SPIN1: variants seen among roughly 807,000 people sequenced by gnomAD.
SPIN1 encodes the protein spindlin-1.
Under a neutral mutation model 26.0 loss-of-function variants are expected in SPIN1, and 3 were observed. That is an observed-to-expected ratio of 0.12 (90% CI 0.05 to 0.30). The LOEUF is 0.30. Among genes scored for constraint, SPIN1 ranks in the 10% least tolerant of loss-of-function variants. SPIN1 has a pLI of 1.00. For missense variants in SPIN1, 126 were observed against 333.4 expected (o/e 0.38, Z 4.84); for synonymous variants, 101 against 116.5 (o/e 0.87, Z 0.86).
At chr9:88,447,551 T>G (rs1210992845) in intron 2 of SPIN1, among the ~76,000 whole-genome samples, 3 of 152,212 alleles carry the variant, frequency 2.0e-5, no homozygotes, top group African/African-American at 7.2e-5. Context: ...TCTTTTGCCA[T>G]TTTTATTGAT....
rs1164819425 is a variant in SPIN1 at position 88,421,952 on chromosome 9, C to T, written c.-158-4430C>T. Among the ~76,000 whole-genome samples, 5 of 152,076 alleles carry T rather than the reference C, an allele frequency of 3.3e-5. No homozygotes were observed. The East Asian group carries it at 7.7e-4, about 24-fold the overall frequency. On this transcript the variant is annotated intron_variant, in intron 1 of 5. Coordinates refer to ENST00000375859, the MANE Select transcript of SPIN1 (RefSeq NM_006717.3). ...AGTATTTTATAAGTGATATAGTCTG[C>T]TTTGCGTCATATCACATTAAGAAGT...
chr9:88,440,296 T>C (rs1445678654), intron 2 of SPIN1, among the ~76,000 whole-genome samples: 2 of 150,174 alleles, frequency 1.3e-5, no homozygotes, highest in Non-Finnish European at 3.0e-5. Context: ...CCTTAGCATA[T>C]CAAGGATATT....
intron 2 of SPIN1, among the ~76,000 whole-genome samples, chr9:88,441,028 C>T (rs538433183): frequency 2.3e-4 from 35 of 151,814 alleles, no homozygotes; most frequent in African/African-American, 8.3e-4. Flanking sequence ...ATTTAGTTGG[C>T]CCTCTGTATC....
At chr9:88,462,885 C>G in intron 4 of SPIN1, 136 bp downstream of exon 4, 1 of 1,028,894 alleles carries the variant, frequency 9.7e-7, no homozygotes, top group Admixed American at 3.0e-5. Flanking sequence ...TATATTAAAT[C>G]ACCGAAAACC....
chr9:88,446,112 CTT>C (rs1416720785), intron 2 of SPIN1, among the ~76,000 whole-genome samples: 1 of 151,868 alleles, frequency 6.6e-6, no homozygotes, highest in African/African-American at 2.4e-5. Flanking sequence ...ATGGATGTGT[CTT>C]TGTCTTTAAT....
chr9:88,399,561 A>G (rs1173247092), intron 1 of SPIN1, among the ~76,000 whole-genome samples: 1 of 152,078 alleles, frequency 6.6e-6, no homozygotes, highest in African/African-American at 2.4e-5. Flanking sequence ...GGAGGCAGAG[A>G]AGCTTAAGGA....
intron 1 of SPIN1, among the ~76,000 whole-genome samples, chr9:88,422,892 A>G (rs1487390852): frequency 6.6e-6 from 1 of 151,808 alleles, no homozygotes; most frequent in Non-Finnish European, 1.5e-5. Context: ...GTATTTTTAG[A>G]GGAGACCGAG....
At chr9:88,445,015 C>T (rs1828217646) in intron 2 of SPIN1, among the ~76,000 whole-genome samples, 1 of 152,116 alleles carries the variant, frequency 6.6e-6, no homozygotes, top group Admixed American at 6.6e-5. Flanking sequence ...TGATAAATAG[C>T]AAGATTCTGT....
intron 2 of SPIN1, among the ~76,000 whole-genome samples, chr9:88,440,767 T>C (rs964756176): frequency 7.9e-5 from 12 of 151,400 alleles, no homozygotes; most frequent in Non-Finnish European, 1.5e-4. Flanking sequence ...TTTGTAGAGA[T>C]GGGGTTTCAC....
chr9:88,450,406 C>T (rs147804661), intron 3 of SPIN1, among the ~76,000 whole-genome samples: 1,676 of 152,158 alleles, frequency 0.011, 37 homozygotes, highest in African/African-American at 0.038. Flanking sequence ...ATCATTTTTC[C>T]GTATTTTCTA....
chr9:88,435,530 A>G (rs1027365929), intron 2 of SPIN1, among the ~76,000 whole-genome samples: 1 of 152,206 alleles, frequency 6.6e-6, no homozygotes, highest in Admixed American at 6.5e-5. Context: ...TGCCAGTGAC[A>G]TATGTTGTCA....
chr9:88,402,723 G>A (rs1217525707), intron 1 of SPIN1, among the ~76,000 whole-genome samples: 1 of 152,074 alleles, frequency 6.6e-6, no homozygotes, highest in Non-Finnish European at 1.5e-5. Flanking sequence ...TGGATACTTA[G>A]GTTGATTCTA....
chr9:88,389,339 C>G (rs896733700), intron 1 of SPIN1: 4 of 152,242 alleles, frequency 2.6e-5, no homozygotes, highest in Non-Finnish European at 4.4e-5. Flanking sequence ...GATGCGGGAA[C>G]TGCGCAGCGC....
chr9:88,422,910 A>G (rs902623033), intron 1 of SPIN1, among the ~76,000 whole-genome samples: 1 of 151,972 alleles, frequency 6.6e-6, no homozygotes, highest in Non-Finnish European at 1.5e-5. Context: ...GAGTTTCACT[A>G]TGTTGGCCAG....
intron 1 of SPIN1, among the ~76,000 whole-genome samples, chr9:88,389,217 G>A (rs1220759474): frequency 6.6e-6 from 1 of 152,196 alleles, no homozygotes; most frequent in Non-Finnish European, 1.5e-5. Context: ...GCCGCCCTCC[G>A]TGGGGGCGCG....
intron 2 of SPIN1, among the ~76,000 whole-genome samples, chr9:88,428,502 G>C (rs1827803920): frequency 6.6e-6 from 1 of 152,164 alleles, no homozygotes; most frequent in Non-Finnish European, 1.5e-5. Context: ...TGCTGCAAAG[G>C]ACTTGATTTC....
rs1205335428 is a variant in SPIN1 at position 88,467,612 on chromosome 9, G to A, written c.356-760G>A. Among the ~76,000 whole-genome samples the A allele has an allele frequency of 2.0e-5, 3 of 152,258 alleles. No individual in the cohort carries two copies. The East Asian group carries it at 5.8e-4, about 29-fold the overall frequency. Reference sequence around the variant, plus strand: ...ACAAGGAGGAAGATGGGAAACCTGAGGGCAGAGGCGTGAAGGCTTTTAGGG... The same window carrying A: ...ACAAGGAGGAAGATGGGAAACCTGAAGGCAGAGGCGTGAAGGCTTTTAGGG... On this transcript the variant is annotated intron_variant, in intron 4 of 5. Coordinates refer to ENST00000375859, the MANE Select transcript of SPIN1 (RefSeq NM_006717.3).
chr9:88,414,694 T>C (rs1437381283), intron 1 of SPIN1, among the ~76,000 whole-genome samples: 1 of 152,176 alleles, frequency 6.6e-6, no homozygotes, highest in Non-Finnish European at 1.5e-5. Context: ...TGATTTCTAT[T>C]GTTGAGAAGT....
chr9:88,396,639 T>A (rs1827066164), intron 1 of SPIN1, among the ~76,000 whole-genome samples: 1 of 152,060 alleles, frequency 6.6e-6, no homozygotes. Flanking sequence ...GGCTTTCCAG[T>A]GCCTTAAGGA....
Sources: allele counts gnomAD v4.1 joint callset (sites outside exome capture counted in the v4.1 genomes callset), GRCh38; gene constraint gnomAD v4.1.1; transcripts MANE v1.5; gene names NCBI Gene and HGNC (gene_info 2026-07-23, HGNC 2026-07-21).